Variants in IRS4 observed in about 807,000 individuals in gnomAD.
The protein encoded by IRS4 is insulin receptor substrate 4.
IRS4 carries 15 observed loss-of-function variants against 48.6 expected under a neutral mutation model. The ratio of observed to expected loss-of-function variants is 0.31; its 90% CI spans 0.21 to 0.48. The LOEUF (loss-of-function observed/expected upper bound fraction) is 0.48. IRS4 is among the 20% of genes least tolerant of loss of function. IRS4 has a pLI of 0.99. For synonymous variants in IRS4, 459 were observed against 413.2 expected, an observed-to-expected ratio of 1.11 and a Z score of -1.34; for missense variants, 987 against 1,023.4, an observed-to-expected ratio of 0.96 and a Z score of 0.49.
intron 1 of IRS4, among the ~76,000 whole-genome samples, chrX:108,728,853 G>A (rs183329940): frequency 4.5e-5 from 5 of 111,825 alleles, no homozygotes; most frequent in Admixed American, 3.8e-4. Context: ...TTATACATGT[G>A]TGACATTCTG....
chrX:108,732,345 A>T, intron 1 of IRS4: 1 of 434,195 alleles, frequency 2.3e-6, no homozygotes, highest in Non-Finnish European at 3.7e-6. Context: ...CTAAAAAAGT[A>T]GAACCAGTGT....
At chrX:108,725,612 T>A (rs1251085502) in intron 1 of IRS4, among the ~76,000 whole-genome samples, 1 of 111,543 alleles carries the variant, frequency 9.0e-6, no homozygotes, top group African/African-American at 3.3e-5. Flanking sequence ...GAAAGGATCA[T>A]CATACTTTTC....
chrX:108,731,398 T>A (rs1049205089), intron 1 of IRS4, among the ~76,000 whole-genome samples: 3 of 111,272 alleles, frequency 2.7e-5, no homozygotes, highest in Non-Finnish European at 5.7e-5. Context: ...ACTGCTGGGG[T>A]CCATCCCTTC....
intron 1 of IRS4, among the ~76,000 whole-genome samples, chrX:108,727,841 A>G (rs1193309423): frequency 8.9e-6 from 1 of 112,275 alleles, no homozygotes; most frequent in Non-Finnish European, 1.9e-5. Flanking sequence ...TACTTGCCTG[A>G]CTGCCAAAAG....
intron 1 of IRS4, among the ~76,000 whole-genome samples, chrX:108,727,508 T>A (rs2068881556): frequency 8.9e-6 from 1 of 112,024 alleles, no homozygotes; most frequent in South Asian, 3.7e-4. Flanking sequence ...TGGCAAAAAC[T>A]CAGTGCTTTG....
chrX:108,722,701 C>T, intron 1 of IRS4, 178 bp from the exon 2 acceptor site: 1 of 222,088 alleles, frequency 4.5e-6, no homozygotes, highest in Admixed American at 5.4e-5. Context: ...CTGCTGGCTG[C>T]CTGTGAGGAA....
rs755414094 is a variant in IRS4, at chrX:108,733,308, C to G, written c.3037G>C (p.Glu1013Gln). The change falls in exon 1 of 2, where the codon GAG becomes CAG. Residue 1013 changes from glutamate (E) to glutamine (Q), a missense_variant. This residue lies in a region of IRS4 where 720 missense variants were observed against 660.3 expected (regional missense o/e 1.09). Coordinates refer to ENST00000372129, the MANE Select transcript of IRS4 (RefSeq NM_001379150.1). ...AAAATTACTTCAATGTAGTCACCCTCTTCCTCAATAGCATTGCTACCTGTA... is the reference window on the plus strand; with the variant it reads ...AAAATTACTTCAATGTAGTCACCCTGTTCCTCAATAGCATTGCTACCTGTA... Reference protein sequence around the residue: ...SATGSNAIEEEGDYIEVIFNS... With the variant: ...SATGSNAIEEQGDYIEVIFNS... The G allele has an allele frequency of 8.3e-7, 1 of 1,211,825 alleles. No individual in the cohort carries two copies. Among genetic ancestry groups the G allele is most frequent in the South Asian group, 1.8e-5 (1 of 56,990 alleles).
In IRS4 at chrX:108,730,165, C is replaced by T. The variant is rs1464144252; in HGVS notation, c.3766+2414G>A. Reference sequence around the variant, plus strand: ...TCAGAAATGAGTGAAAATTATTCTACAGCTTTACAATAAAAAAGGATCAGA... The same window carrying T: ...TCAGAAATGAGTGAAAATTATTCTATAGCTTTACAATAAAAAAGGATCAGA... On this transcript the variant is annotated intron_variant, in intron 1 of 1. Coordinates refer to ENST00000372129, the MANE Select transcript of IRS4 (RefSeq NM_001379150.1). 3.6e-5 allele frequency among the ~76,000 whole-genome samples: 4 copies of T among 111,657 alleles called. No individual in the cohort carries two copies. In the East Asian group the frequency reaches 8.3e-4, roughly 23 times the overall value.
Position 108,736,093 on chromosome X carries a change from G to A in IRS4, c.252C>T (p.Tyr84=). Residue 84 remains tyrosine, a synonymous_variant, in exon 1 of 2, where the codon TAC becomes TAT. Transcript: ENST00000372129. The part of the protein sequence containing the change: ...PVGEEVCKRG[Y]LRKQKHGHRR... ...TGTGCCCATGCTTCTGTTTCCGCAG[G>A]TAGCCGCGTTTGCAGACTTCCTCCC... 1 of 1,210,833 alleles carries A rather than the reference G, an allele frequency of 8.3e-7. No individual in the cohort carries two copies. Among genetic ancestry groups the A allele is most frequent in the Non-Finnish European group, 1.1e-6 (1 of 895,357 alleles).
intron 1 of IRS4, chrX:108,726,845 T>C (rs905305768): frequency 1.1e-4 from 12 of 112,367 alleles, no homozygotes; most frequent in Non-Finnish European, 2.3e-4. Context: ...GCCCAGCTGC[T>C]TCTGTGCCAA....
chrX:108,730,952 A>C lies in IRS4; in HGVS notation c.3766+1627T>G, dbSNP rs2068898963. The stretch of plus-strand genomic sequence containing the variant: ...ACAGAATAAAGTAGATCTACTCTTG[A>C]AAATCTTATTATGGATTAAAGACTT... On this transcript the variant is annotated intron_variant, in intron 1 of 1. Transcript: ENST00000372129. Among the ~76,000 whole-genome samples the C allele has an allele frequency of 2.7e-5, 3 of 111,903 alleles. No individual in the cohort carries two copies. In the Admixed American group the frequency reaches 2.8e-4, roughly 11 times the overall value.
intron 1 of IRS4, among the ~76,000 whole-genome samples, chrX:108,729,276 TTAATTAC>T (rs1283349335): frequency 8.3e-5 from 6 of 72,135 alleles, no homozygotes; most frequent in African/African-American, 5.3e-5. Context: ...CACTGAAAAA[TTAATTAC>T]TAAAGTTTTT....
Position 108,735,368 on chromosome X carries a change from T to G in IRS4, c.977A>C (p.Glu326Ala). Residue 326 changes from glutamate (E) to alanine (A), a missense_variant, in exon 1 of 2, where the codon GAG becomes GCG. This residue lies in a region of IRS4 where 74 missense variants were observed against 100.4 expected (regional missense o/e 0.74). Coordinates refer to ENST00000372129, the MANE Select transcript of IRS4 (RefSeq NM_001379150.1). ...GTCTGCACACAAGGCTCTCATCTTCTCCAAAAACAGCTCATGCATGTTTTG... is the reference window on the plus strand; with the variant it reads ...GTCTGCACACAAGGCTCTCATCTTCGCCAAAAACAGCTCATGCATGTTTTG... ...VAQNMHELFLEKMRALCADEY... is the reference protein window; with the variant it reads ...VAQNMHELFLAKMRALCADEY... 1 of 1,211,126 alleles carries G rather than the reference T, an allele frequency of 8.3e-7. No homozygotes were observed.
chrX:108,735,733 G>A lies in IRS4; in HGVS notation c.612C>T (p.Arg204=), dbSNP rs2068946203. The A allele has an allele frequency of 1.7e-6, 2 of 1,182,629 alleles. No homozygotes were observed. The highest frequency in any genetic ancestry group is 1.8e-5 in the African/African-American group (1 of 54,591). The change falls in exon 1 of 2, where the codon CGC becomes CGT. Residue 204 remains arginine (R), a synonymous_variant. Coordinates refer to ENST00000372129, the MANE Select transcript of IRS4 (RefSeq NM_001379150.1). ...GCTGCGCGCCGAGCGTGCCGCAGCG[G>A]CGGCGCTTGCTCTCGAGGATGAGGC... ...LSRLILESKR[R]RCGTLGAQPD...
intron 1 of IRS4, among the ~76,000 whole-genome samples, chrX:108,725,579 G>T: frequency 9.0e-6 from 1 of 110,539 alleles, no homozygotes; most frequent in Middle Eastern, 4.7e-3. Context: ...GTATATGTAG[G>T]TTTTTTTGTT....
chrX:108,730,045 C>G (rs2068892192), intron 1 of IRS4, among the ~76,000 whole-genome samples: 1 of 111,690 alleles, frequency 9.0e-6, no homozygotes, highest in African/African-American at 3.3e-5. Flanking sequence ...TACATAACTT[C>G]TAATAAAGAT....
Position 108,733,986 on chromosome X carries a change from C to T in IRS4, c.2359G>A (p.Gly787Ser), listed in dbSNP as rs1187459394. ...TTTCTGGGGTTTTTTGGAATTGCAC[C>T]GGCTCCAGGAGCCATAAACATGTAG... The part of the protein sequence containing the change: ...SDYMFMAPGA[G>S]AIPKNPRNPQ... Residue 787 changes from glycine to serine, a missense_variant, in exon 1 of 2, where the codon GGT (glycine) becomes AGT (serine). By Grantham distance (56) the Gly-to-Ser change is moderately conservative (BLOSUM62 0). Transcript: ENST00000372129. 3.3e-6 allele frequency: 4 copies of T among 1,211,335 alleles called. No homozygotes were observed. Among genetic ancestry groups the T allele is most frequent in the Non-Finnish European group, 4.5e-6 (4 of 895,290 alleles).
At position 108,732,952 on chromosome X, in the gene IRS4, G is replaced by A; in HGVS notation, c.3393C>T (p.Ser1131=). Residue 1131 remains serine (S), a synonymous_variant, in exon 1 of 2, where the codon AGC becomes AGT. Transcript: ENST00000372129. ...ASAAEPTLAL[S]QVVAAASALA... ...GCGCGGAGGCCGCAGCTACAACTTG[G>A]CTGAGGGCTAAAGTCGGCTCTGCAG... 1 of 1,195,948 alleles carries A rather than the reference G, an allele frequency of 8.4e-7. No homozygotes were observed. The highest frequency in any genetic ancestry group is 3.0e-5 in the East Asian group (1 of 33,471).
rs752217175 is a variant in IRS4 at position 108,734,688 on chromosome X, C to T, written c.1657G>A (p.Ala553Thr). The part of the protein sequence containing the change: ...NQCSRDGQGT[A>T]GGHGSGGGQR... ...CCACCACCTGAACCGTGCCCACCTGCGGTGCCCTGGCCATCTCTAGAGCAC... is the reference window on the plus strand; with the variant it reads ...CCACCACCTGAACCGTGCCCACCTGTGGTGCCCTGGCCATCTCTAGAGCAC... The change falls in exon 1 of 2, where the codon GCA (alanine) becomes ACA (threonine). Residue 553 changes from alanine to threonine, a missense_variant. Physicochemically the swap from Ala to Thr is moderately conservative, Grantham distance 58 (BLOSUM62 0). This residue lies in a region of IRS4 where 720 missense variants were observed against 660.3 expected (regional missense o/e 1.09). Transcript: ENST00000372129. 9 of 1,210,981 alleles carry T rather than the reference C, an allele frequency of 7.4e-6. No individual in the cohort carries two copies. The South Asian group carries it at 1.2e-4, about 17-fold the overall frequency.
Sources: gnomAD v4.1 joint callset for allele counts (sites outside exome capture counted in the v4.1 genomes callset) on GRCh38, gnomAD v4.1.1 for gene constraint, gnomAD v4.1.1 regional missense constraint, MANE v1.5 for transcripts, NCBI Gene and HGNC (gene_info 2026-07-23, HGNC 2026-07-21) for gene names.